Variants in VRK1 observed in about 807,000 individuals in gnomAD.
VRK1 encodes serine/threonine-protein kinase VRK1.
A neutral mutation model predicts 57.1 loss-of-function variants in VRK1; 33 were observed. The observed-to-expected ratio is 0.58, with a 90% CI of 0.44 to 0.77. VRK1 has a LOEUF of 0.77. Among genes scored for constraint, VRK1 ranks in the 30% least tolerant of loss-of-function variants. VRK1 has a pLI of 0.00. For synonymous variants in VRK1, 137 were observed against 147.8 expected (o/e 0.93, Z 0.53); for missense variants, 413 against 477.3 (o/e 0.87, Z 1.25).
intron 10 of VRK1, chr14:96,858,889 T>C (rs1888271433): frequency 6.6e-6 from 1 of 152,176 alleles, no homozygotes. Context: ...TATTTAAATT[T>C]TAGAATCACC....
At position 96,818,648 on chromosome 14, in the gene VRK1, A is replaced by G. The variant is rs574962977; in HGVS notation, c.-5-14819A>G. 1.2e-4 allele frequency among the ~76,000 whole-genome samples: 18 copies of G among 152,278 alleles called. No individual in the cohort carries two copies. In the South Asian group the frequency reaches 3.5e-3, roughly 30 times the overall value. ...TTGATACTTATTTTTTTAATGTTATAAAGGTACCATATAGCCATGAATTTT... is the reference window on the plus strand; with the variant it reads ...TTGATACTTATTTTTTTAATGTTATGAAGGTACCATATAGCCATGAATTTT... On this transcript the variant is annotated intron_variant, in intron 1 of 12. Transcript: ENST00000216639.
chr14:96,860,651 A>T lies in VRK1; in HGVS notation c.984A>T (p.Leu328=), dbSNP rs765633672. 4 of 1,613,466 alleles carry T rather than the reference A, an allele frequency of 2.5e-6. No homozygotes were observed. The East Asian group carries it at 8.9e-5, about 36-fold the overall frequency. ...TACGTGACATTCTTTTGCAAGGACTAAAAGCTATAGGAAGTAAGGATGATG... is the reference window on the plus strand; with the variant it reads ...TACGTGACATTCTTTTGCAAGGACTTAAAGCTATAGGAAGTAAGGATGATG... ...ENLRDILLQG[L]KAIGSKDDGK... is the part of the protein sequence containing the mutation. Residue 328 remains leucine (L), a synonymous_variant, in exon 11 of 13, where the codon CTA becomes CTT. Coordinates refer to ENST00000216639, the MANE Select transcript of VRK1 (RefSeq NM_003384.3).
At position 96,853,173 on chromosome 14, in the gene VRK1, T is replaced by G; in HGVS notation, c.576+7T>G. On this transcript the variant is annotated splice_region_variant and intron_variant, in intron 7 of 12. Coordinates refer to ENST00000216639, the MANE Select transcript of VRK1 (RefSeq NM_003384.3). ...CTACAAGAATCCTGACCAGGTAGTT[T>G]TATAACTTTAATTTCTACTATTTAA... 1 of 1,610,004 alleles carries G rather than the reference T, an allele frequency of 6.2e-7. No individual in the cohort carries two copies. Among genetic ancestry groups the G allele is most frequent in the Non-Finnish European group, 8.5e-7 (1 of 1,176,766 alleles).
At chr14:96,860,152 C>T (rs1888327817) in intron 10 of VRK1, among the ~76,000 whole-genome samples, 1 of 152,082 alleles carries the variant, frequency 6.6e-6, no homozygotes, top group African/African-American at 2.4e-5. Context: ...ATATAGCTAT[C>T]TGCTATAGAG....
At chr14:96,872,478 T>G (rs1888860341) in intron 11 of VRK1, among the ~76,000 whole-genome samples, 1 of 152,176 alleles carries the variant, frequency 6.6e-6, no homozygotes, top group Non-Finnish European at 1.5e-5. Context: ...GAAAATAGTT[T>G]ACATGAAATA....
At chr14:96,864,375 A>G (rs748448234) in intron 11 of VRK1, among the ~76,000 whole-genome samples, 1 of 152,162 alleles carries the variant, frequency 6.6e-6, no homozygotes, top group Non-Finnish European at 1.5e-5. Context: ...ATTTATAGTA[A>G]TGGTATCATA....
At chr14:96,846,793 T>C (rs1412144213) in intron 4 of VRK1, among the ~76,000 whole-genome samples, 2 of 151,888 alleles carry the variant, frequency 1.3e-5, no homozygotes, top group Non-Finnish European at 2.9e-5. Context: ...ACAGTATAAC[T>C]ATTGACATAG....
intron 1 of VRK1, among the ~76,000 whole-genome samples, chr14:96,805,817 A>G (rs1185328696): frequency 2.0e-5 from 3 of 152,200 alleles, no homozygotes; most frequent in Admixed American, 1.3e-4. Flanking sequence ...AAAAGCTTTC[A>G]TGCAACATCT....
At chr14:96,851,859 A>G (rs185038028) in intron 5 of VRK1, among the ~76,000 whole-genome samples, 3 of 152,354 alleles carry the variant, frequency 2.0e-5, no homozygotes, top group Admixed American at 1.3e-4. Flanking sequence ...AAGTACTTAC[A>G]GTAGTGCTGT....
At chr14:96,807,508 C>T (rs772643029) in intron 1 of VRK1, among the ~76,000 whole-genome samples, 7 of 152,158 alleles carry the variant, frequency 4.6e-5, no homozygotes, top group Non-Finnish European at 1.0e-4. Context: ...ATTCTGTGCT[C>T]CAGACATGGC....
intron 1 of VRK1, among the ~76,000 whole-genome samples, chr14:96,821,444 A>G (rs1241573014): frequency 1.3e-5 from 2 of 152,178 alleles, no homozygotes; most frequent in Non-Finnish European, 1.5e-5. Flanking sequence ...AGTTAAAAAA[A>G]ACAAAACAAA....
intron 1 of VRK1, among the ~76,000 whole-genome samples, chr14:96,798,858 T>C (rs1482669388): frequency 6.6e-6 from 1 of 152,246 alleles, no homozygotes; most frequent in Non-Finnish European, 1.5e-5. Flanking sequence ...ATTATGTTCA[T>C]CTGTTACCTA....
intron 2 of VRK1, among the ~76,000 whole-genome samples, chr14:96,835,443 TTATTCTATA>T (rs1367720665): frequency 2.0e-5 from 3 of 152,322 alleles, no homozygotes; most frequent in African/African-American, 7.2e-5. Flanking sequence ...GGTTCACTTT[TTATTCTATA>T]TATTCTTTCT....
chr14:96,799,556 G>T (rs543380373), intron 1 of VRK1, among the ~76,000 whole-genome samples: 9 of 152,084 alleles, frequency 5.9e-5, no homozygotes, highest in Non-Finnish European at 1.3e-4. Flanking sequence ...GAAATGAAGC[G>T]AAGCTTTAAG....
intron 12 of VRK1, 138 bp from the exon 13 acceptor site, chr14:96,881,039 A>G: frequency 1.3e-6 from 1 of 743,610 alleles, no homozygotes; most frequent in South Asian, 2.1e-5. Context: ...TTTGTATGTC[A>G]GTTTTATCTT....
At chr14:96,843,418 G>A (rs1887546865) in intron 3 of VRK1, among the ~76,000 whole-genome samples, 1 of 152,148 alleles carries the variant, frequency 6.6e-6, no homozygotes, top group South Asian at 2.1e-4. Flanking sequence ...AAAGAAGTTT[G>A]CAGACTGATG....
Position 96,881,263 on chromosome 14 carries a change from C to A in VRK1, c.*55C>A. 6.7e-7 allele frequency: 1 copy of A among 1,499,420 alleles called. No homozygotes were observed. The highest frequency in any genetic ancestry group is 9.1e-7 in the Non-Finnish European group (1 of 1,096,084). 92.9% of individuals were successfully genotyped at this position (1,499,420 alleles called of 1,614,324 possible). A position where few individuals can be genotyped will look rare whatever the true frequency, so the allele number is the denominator to read the frequency against. On this transcript the variant is annotated 3_prime_UTR_variant, in exon 13 of 13. Coordinates refer to ENST00000216639, the MANE Select transcript of VRK1 (RefSeq NM_003384.3). ...CTTTGTTTTCTTTTGACTTTTTTCTCCTTTTCTATTTGAACTGTTTTATTT... is the reference window on the plus strand; with the variant it reads ...CTTTGTTTTCTTTTGACTTTTTTCTACTTTTCTATTTGAACTGTTTTATTT...
At chr14:96,814,542 A>G (rs1886321436) in intron 1 of VRK1, among the ~76,000 whole-genome samples, 1 of 152,216 alleles carries the variant, frequency 6.6e-6, no homozygotes, top group Non-Finnish European at 1.5e-5. Context: ...ATAAATTTAG[A>G]CAATATAAAA....
chr14:96,845,808 A>G (rs577845051), intron 3 of VRK1, among the ~76,000 whole-genome samples: 1 of 152,350 alleles, frequency 6.6e-6, no homozygotes, highest in South Asian at 2.1e-4. Context: ...AATAAAGATG[A>G]AAATTAGTTT....
Sources: gnomAD v4.1 joint callset for allele counts (sites outside exome capture counted in the v4.1 genomes callset) on GRCh38, gnomAD v4.1.1 for gene constraint, MANE v1.5 for transcripts, NCBI Gene and HGNC (gene_info 2026-07-23, HGNC 2026-07-21) for gene names.